TACR1: variants seen among roughly 807,000 people sequenced by gnomAD.
TACR1 encodes substance-P receptor.
TACR1 carries 25 observed loss-of-function variants against 35.8 expected under a neutral mutation model. That is an observed-to-expected ratio of 0.70 (90% CI 0.51 to 0.98). TACR1 has a LOEUF of 0.98. Among genes scored for constraint, TACR1 ranks in the 50% least tolerant of loss-of-function variants. The pLI is 0.00. For synonymous variants in TACR1, 195 were observed against 206.7 expected, an observed-to-expected ratio of 0.94 and a Z score of 0.48; for missense variants, 478 against 522.9, an observed-to-expected ratio of 0.91 and a Z score of 0.84.
chr2:75,068,337 C>T (rs1321346452), intron 2 of TACR1, among the ~76,000 whole-genome samples: 1 of 152,072 alleles, frequency 6.6e-6, no homozygotes, highest in Non-Finnish European at 1.5e-5. Context: ...GGTAAGCTGC[C>T]TTAGTTAAAG....
intron 1 of TACR1, among the ~76,000 whole-genome samples, chr2:75,147,911 A>AT (rs1261529498): frequency 6.6e-6 from 1 of 151,738 alleles, no homozygotes; most frequent in Non-Finnish European, 1.5e-5. Context: ...CACCTGGCTA[A>AT]TTTTTTGTAT....
chr2:75,064,002 A>G (rs936832989), intron 2 of TACR1, among the ~76,000 whole-genome samples: 1 of 152,050 alleles, frequency 6.6e-6, no homozygotes, highest in Non-Finnish European at 1.5e-5. Flanking sequence ...CCAGCATGAC[A>G]TGCATGATGA....
chr2:75,163,890 A>G (rs35204567), intron 1 of TACR1, among the ~76,000 whole-genome samples: 4,833 of 152,288 alleles, frequency 0.032, 120 homozygotes, highest in Middle Eastern at 0.054. Flanking sequence ...TAACCAGTCT[A>G]TATTTTGCAC....
chr2:75,154,487 ACC>A, intron 1 of TACR1: 1 of 31,504 alleles, frequency 3.2e-5, no homozygotes, highest in Non-Finnish European at 6.3e-5. Context: ...GCACTAACCC[ACC>A]ACACACACAC....
chr2:75,061,091 C>T (rs574839208), intron 2 of TACR1, among the ~76,000 whole-genome samples: 198 of 152,070 alleles, frequency 1.3e-3, no homozygotes, highest in African/African-American at 4.6e-3. Context: ...ATTTGGGAGT[C>T]CTCATGTGTC....
At chr2:75,135,087 T>C (rs1158099798) in intron 1 of TACR1, among the ~76,000 whole-genome samples, 3 of 152,206 alleles carry the variant, frequency 2.0e-5, no homozygotes, top group Non-Finnish European at 4.4e-5. Flanking sequence ...CCTGTCTTAC[T>C]GGTGATATAG....
chr2:75,126,225 A>G (rs1674069516), intron 1 of TACR1, among the ~76,000 whole-genome samples: 1 of 152,250 alleles, frequency 6.6e-6, no homozygotes, highest in Middle Eastern at 3.4e-3. Context: ...CTCCAACTCC[A>G]TTCATGTTCC....
intron 1 of TACR1, among the ~76,000 whole-genome samples, chr2:75,128,654 A>T (rs1315142119): frequency 6.6e-6 from 1 of 151,862 alleles, no homozygotes; most frequent in Non-Finnish European, 1.5e-5. Context: ...CAGAGCGCGC[A>T]TTTTTTTCTC....
In TACR1 at chr2:75,186,411, G is replaced by GAA. The variant is rs1675704084; in HGVS notation, c.389+12133_389+12134dup. Reference sequence around the variant, plus strand: ...AAAAAAAGAAAGAAAGTCTTGGCATGAAATAATTCCTAAGAATTGACAATA... The same window carrying GAA: ...AAAAAAAGAAAGAAAGTCTTGGCATGAAAAATAATTCCTAAGAATTGACAATA... On this transcript the variant is annotated intron_variant, in intron 1 of 4. Transcript: ENST00000305249. Among the ~76,000 whole-genome samples the GAA allele has an allele frequency of 2.7e-5, 4 of 148,828 alleles. No homozygotes were observed. The South Asian group carries it at 8.6e-4, about 32-fold the overall frequency.
intron 2 of TACR1, among the ~76,000 whole-genome samples, chr2:75,098,251 T>G (rs1469148847): frequency 6.6e-6 from 1 of 152,196 alleles, no homozygotes; most frequent in East Asian, 1.9e-4. Flanking sequence ...AGTTTTTACA[T>G]CATTGTCATT....
chr2:75,135,534 G>A (rs1259756123), intron 1 of TACR1, among the ~76,000 whole-genome samples: 1 of 152,200 alleles, frequency 6.6e-6, no homozygotes, highest in Non-Finnish European at 1.5e-5. Flanking sequence ...CCGTGCTACT[G>A]GCTGGATCCA....
chr2:75,154,524 A>ACTCT (rs1558572654), intron 1 of TACR1: 3 of 140,476 alleles, frequency 2.1e-5, no homozygotes, highest in Non-Finnish European at 4.6e-5. Context: ...ACACACACAC[A>ACTCT]CACTCTCTGA....
intron 1 of TACR1, among the ~76,000 whole-genome samples, chr2:75,185,401 T>G (rs1675668272): frequency 6.6e-6 from 1 of 151,874 alleles, no homozygotes; most frequent in South Asian, 2.1e-4. Flanking sequence ...TAATATAAAA[T>G]AATCACTGAA....
intron 2 of TACR1, among the ~76,000 whole-genome samples, chr2:75,101,460 T>C (rs1487952290): frequency 6.6e-6 from 1 of 152,130 alleles, no homozygotes; most frequent in Non-Finnish European, 1.5e-5. Context: ...TAGGTAATAT[T>C]ATTATTCCTA....
chr2:75,077,938 C>G (rs906983014), intron 2 of TACR1, among the ~76,000 whole-genome samples: 10 of 152,174 alleles, frequency 6.6e-5, no homozygotes, highest in African/African-American at 2.4e-4. Context: ...TCAGTGAGCT[C>G]AAGTTGGAAA....
chr2:75,161,754 G>T (rs190808206), intron 1 of TACR1, among the ~76,000 whole-genome samples: 1 of 151,946 alleles, frequency 6.6e-6, no homozygotes, highest in Non-Finnish European at 1.5e-5. Context: ...TTTATGAAAC[G>T]AAAATGACTC....
intron 2 of TACR1, among the ~76,000 whole-genome samples, chr2:75,061,126 A>T (rs531115602): frequency 1.3e-5 from 2 of 151,730 alleles, no homozygotes; most frequent in East Asian, 3.9e-4. Context: ...AGACAAGCGG[A>T]TGCAAGATGG....
At chr2:75,073,599 CTGG>C (rs1672921616) in intron 2 of TACR1, among the ~76,000 whole-genome samples, 1 of 152,154 alleles carries the variant, frequency 6.6e-6, no homozygotes, top group Admixed American at 6.5e-5. Context: ...ATTTCCTTGG[CTGG>C]TGTCAGGTGT....
At chr2:75,145,967 C>G (rs1381342936) in intron 1 of TACR1, among the ~76,000 whole-genome samples, 1 of 152,124 alleles carries the variant, frequency 6.6e-6, no homozygotes, top group Non-Finnish European at 1.5e-5. Context: ...TCTCCCAGAA[C>G]ACTGTGGGGA....
Sources: gnomAD v4.1 joint callset for allele counts (sites outside exome capture counted in the v4.1 genomes callset) on GRCh38, gnomAD v4.1.1 for gene constraint, MANE v1.5 for transcripts, NCBI Gene and HGNC (gene_info 2026-07-23, HGNC 2026-07-21) for gene names.